Variants in PSTPIP1 observed in about 807,000 individuals in gnomAD.
PSTPIP1 encodes proline-serine-threonine phosphatase-interacting protein 1.
Under a neutral mutation model 69.6 loss-of-function variants are expected in PSTPIP1, and 66 were observed. The observed-to-expected ratio is 0.95, with a 90% CI of 0.78 to 1.16. The LOEUF (loss-of-function observed/expected upper bound fraction) is 1.16, where lower values mean the gene tolerates loss of function less well. Among genes scored for constraint, PSTPIP1 ranks in the 50% most tolerant of loss-of-function variants. The pLI is 0.00. For missense variants in PSTPIP1, 603 were observed against 557.4 expected (o/e 1.08, Z -0.82); for synonymous variants, 266 against 222.7 (o/e 1.19, Z -1.73).
intron 1 of PSTPIP1, among the ~76,000 whole-genome samples, chr15:77,017,228 T>C (rs2076068707): frequency 6.6e-6 from 1 of 152,188 alleles, no homozygotes; most frequent in Non-Finnish European, 1.5e-5. Flanking sequence ...GGGAGACCTC[T>C]GTTCCTTCAT....
At chr15:77,008,857 T>C (rs1467025053) in intron 1 of PSTPIP1, among the ~76,000 whole-genome samples, 1 of 149,474 alleles carries the variant, frequency 6.7e-6, no homozygotes, top group East Asian at 2.1e-4. Flanking sequence ...TTCTCCACCA[T>C]GCGGCTGTGT....
At chr15:77,024,706 C>G (rs1181577400) in intron 3 of PSTPIP1, among the ~76,000 whole-genome samples, 4 of 150,606 alleles carry the variant, frequency 2.7e-5, no homozygotes, top group Non-Finnish European at 4.4e-5. Context: ...TCCCTGCCTC[C>G]TATGCGCAGT....
At chr15:77,025,684 T>A in intron 5 of PSTPIP1, 80 bp downstream of exon 5, 3 of 777,962 alleles carry the variant, frequency 3.9e-6, no homozygotes, top group Non-Finnish European at 5.8e-6. Flanking sequence ...GGGCTGACCT[T>A]CCTGGTAGAG....
chr15:77,013,229 C>T (rs530506492), intron 1 of PSTPIP1, among the ~76,000 whole-genome samples: 79 of 152,332 alleles, frequency 5.2e-4, no homozygotes, highest in Non-Finnish European at 7.8e-4. Flanking sequence ...CAGTCATCTT[C>T]AGGTGTAACC....
Position 77,025,525 on chromosome 15 carries a change from T to A in PSTPIP1, c.275T>A (p.Ile92Asn). ...ATGGAGAATGTGGGCAGCTCACACA[T>A]CCAGCTGGCCCTGACCCTGCGTGAG... ...QQMENVGSSH[I>N]QLALTLREEL... is the part of the protein sequence containing the mutation. Residue 92 changes from isoleucine (I) to asparagine (N), a missense_variant, in exon 5 of 15, where the codon ATC (isoleucine) becomes AAC (asparagine). By Grantham distance (149) the Ile-to-Asn change is moderately radical. Transcript: ENST00000558012. 6.4e-7 allele frequency: 1 copy of A among 1,556,306 alleles called. No homozygotes were observed. The highest frequency in any genetic ancestry group is 8.7e-7 in the Non-Finnish European group (1 of 1,149,896).
At chr15:77,025,378 TG>T (rs1480996826) in intron 4 of PSTPIP1, 60 bp downstream of exon 4, 13 of 1,581,258 alleles carry the variant, frequency 8.2e-6, no homozygotes, top group East Asian at 2.2e-5. Context: ...GTGGAGGGTT[TG>T]GGGGGACAGA....
chr15:77,033,854 A>G (rs756126717), intron 12 of PSTPIP1, among the ~76,000 whole-genome samples: 1 of 152,110 alleles, frequency 6.6e-6, no homozygotes, highest in Non-Finnish European at 1.5e-5. Flanking sequence ...ATCTTGTGCA[A>G]GCAGTGACCC....
chr15:77,015,844 A>G (rs964034665), intron 1 of PSTPIP1: 2 of 446,628 alleles, frequency 4.5e-6, no homozygotes, highest in African/African-American at 2.0e-5. Context: ...TTGTGACAGT[A>G]GCTCACTCGG....
At chr15:76,997,128 G>T (rs560054238) in intron 1 of PSTPIP1, among the ~76,000 whole-genome samples, 1 of 152,238 alleles carries the variant, frequency 6.6e-6, no homozygotes, top group Non-Finnish European at 1.5e-5. Flanking sequence ...GGGTATGGCA[G>T]CCGCAGCAGA....
At chr15:77,035,996 T>A in intron 14 of PSTPIP1, 61 bp downstream of exon 14, 1 of 1,510,858 alleles carries the variant, frequency 6.6e-7, no homozygotes. Flanking sequence ...GAGCTCCCTC[T>A]CCCATCCAGT....
At chr15:77,020,583 G>T (rs1261193413) in intron 3 of PSTPIP1, among the ~76,000 whole-genome samples, 2 of 152,206 alleles carry the variant, frequency 1.3e-5, no homozygotes, top group African/African-American at 4.8e-5. Flanking sequence ...CCATGCCCTG[G>T]ATGGGTCAGG....
At chr15:77,010,357 G>A (rs886128660) in intron 1 of PSTPIP1, among the ~76,000 whole-genome samples, 3 of 152,160 alleles carry the variant, frequency 2.0e-5, no homozygotes, top group Admixed American at 1.3e-4. Context: ...ACCAGGCACC[G>A]CACACTCAAT....
chr15:77,015,205 C>A (rs1163427644), intron 1 of PSTPIP1, among the ~76,000 whole-genome samples: 1 of 152,178 alleles, frequency 6.6e-6, no homozygotes, highest in Non-Finnish European at 1.5e-5. Context: ...TTTTTCAAAT[C>A]ATGTTTGGAT....
chr15:77,030,605 GT>G, intron 9 of PSTPIP1, 24 bp downstream of exon 9: 1 of 1,576,316 alleles, frequency 6.3e-7, no homozygotes, highest in Non-Finnish European at 8.7e-7. Context: ...GTGGAGCCTC[GT>G]TTTCCCCAGC....
intron 1 of PSTPIP1, among the ~76,000 whole-genome samples, chr15:76,997,011 G>A (rs570524239): frequency 4.1e-4 from 62 of 152,344 alleles, no homozygotes; most frequent in Non-Finnish European, 6.9e-4. Flanking sequence ...TGAGACCTCT[G>A]TCCAGTCCTA....
At chr15:77,010,891 C>T (rs2075920597) in intron 1 of PSTPIP1, among the ~76,000 whole-genome samples, 1 of 152,122 alleles carries the variant, frequency 6.6e-6, no homozygotes, top group African/African-American at 2.4e-5. Flanking sequence ...AGTGATCCAC[C>T]CCTCTCAGCC....
rs557759616 is a variant in PSTPIP1, at chr15:77,032,303, C to T, written c.747C>T (p.Tyr249=). 4.3e-5 allele frequency: 70 copies of T among 1,612,424 alleles called. No homozygotes were observed. The highest frequency in any genetic ancestry group is 3.3e-4 in the Middle Eastern group (2 of 6,056). ...SMQCVKDDEL[Y]EEVRLTLEGC... is the part of the protein sequence containing the mutation. ...TCTGCTCTTTCCTGCCCCAGCTCTA[C>T]GAGGAAGTGCGGCTGACGCTGGAAG... The change falls in exon 11 of 15, where the codon TAC becomes TAT. Residue 249 remains tyrosine, a synonymous_variant. Transcript: ENST00000558012.
At chr15:77,003,595 G>A (rs1281729821) in intron 1 of PSTPIP1, among the ~76,000 whole-genome samples, 1 of 152,004 alleles carries the variant, frequency 6.6e-6, no homozygotes. Flanking sequence ...GGTGGAGGTT[G>A]CAGTGAGCTG....
intron 12 of PSTPIP1, among the ~76,000 whole-genome samples, chr15:77,035,214 G>C (rs973863221): frequency 6.6e-6 from 1 of 152,170 alleles, no homozygotes. Context: ...CTACAGCTTC[G>C]GGGGTTCTAG....
Sources: allele counts gnomAD v4.1 joint callset (sites outside exome capture counted in the v4.1 genomes callset), GRCh38; gene constraint gnomAD v4.1.1; transcripts MANE v1.5; gene names NCBI Gene and HGNC (gene_info 2026-07-23, HGNC 2026-07-21).